The following DESI2 variants were observed in gnomAD, a reference collection of about 807,000 sequenced individuals.
The protein encoded by DESI2 is desumoylating isopeptidase 2, also known as deubiquitinase DESI2.
A neutral mutation model predicts 24.1 loss-of-function variants in DESI2; 10 were observed. That is an observed-to-expected ratio of 0.41 (90% confidence interval 0.26 to 0.70). DESI2 has a LOEUF of 0.70. Among genes scored for constraint, DESI2 ranks in the 30% least tolerant of loss-of-function variants. The probability of loss-of-function intolerance (pLI) is 0.29; values close to 1 mark genes in which losing one functional copy is unlikely to be tolerated. For missense variants in DESI2, 122 were observed against 234.9 expected (o/e 0.52, Z 3.14); for synonymous variants, 71 against 87.7 (o/e 0.81, Z 1.06).
intron 1 of DESI2, among the ~76,000 whole-genome samples, chr1:244,655,034 A>G (rs1278585841): frequency 6.6e-6 from 1 of 152,244 alleles, no homozygotes; most frequent in Non-Finnish European, 1.5e-5. Flanking sequence ...GTTTTGGCAT[A>G]TAGTGGGCTT....
intron 1 of DESI2, among the ~76,000 whole-genome samples, chr1:244,661,265 G>C (rs1675829839): frequency 6.6e-6 from 1 of 152,056 alleles, no homozygotes; most frequent in South Asian, 2.1e-4. Context: ...AAATAATACA[G>C]TATTTATTTT....
chr1:244,681,111 A>G (rs1333270483), intron 1 of DESI2, among the ~76,000 whole-genome samples: 1 of 152,160 alleles, frequency 6.6e-6, no homozygotes, highest in Non-Finnish European at 1.5e-5. Context: ...ACATGTGGCC[A>G]TCATTCTTTG....
chr1:244,653,301 C>A lies in DESI2; in HGVS notation c.-13C>A. The A allele has an allele frequency of 6.7e-7, 1 of 1,493,010 alleles. No individual in the cohort carries two copies. The allele number at this position is 1,493,010 out of a possible 1,614,324, so 92.5% of individuals were successfully genotyped here. ...AGCGGCTTGAGGACGAGGCGGCGGC[C>A]GCGGGGAGGAGGATGGGGGCTAACC... On this transcript the variant is annotated 5_prime_UTR_variant, in exon 1 of 5. Transcript: ENST00000302550.
chr1:244,677,345 A>T (rs1443985476), intron 1 of DESI2, among the ~76,000 whole-genome samples: 1 of 152,150 alleles, frequency 6.6e-6, no homozygotes, highest in Admixed American at 6.6e-5. Context: ...AGTTGTTCTT[A>T]GTCTTCCTTG....
intron 4 of DESI2, among the ~76,000 whole-genome samples, chr1:244,705,057 G>A (rs1182885259): frequency 6.6e-6 from 1 of 152,164 alleles, no homozygotes; most frequent in Non-Finnish European, 1.5e-5. Context: ...AAGTAAAGGG[G>A]TAAAATGTAG....
intron 1 of DESI2, among the ~76,000 whole-genome samples, chr1:244,684,517 C>G (rs984281010): frequency 1.3e-5 from 2 of 150,750 alleles, no homozygotes; most frequent in Non-Finnish European, 2.9e-5. Flanking sequence ...TGTGATCATG[C>G]TACACATATT....
intron 1 of DESI2, among the ~76,000 whole-genome samples, chr1:244,675,770 A>G (rs1350834892): frequency 2.6e-5 from 4 of 152,134 alleles, no homozygotes; most frequent in African/African-American, 9.7e-5. Flanking sequence ...GAATTTCCAT[A>G]TGAATTTTTA....
intron 1 of DESI2, among the ~76,000 whole-genome samples, chr1:244,665,772 C>T (rs1197069690): frequency 6.6e-6 from 1 of 152,226 alleles, no homozygotes. Flanking sequence ...CACCTCTTCC[C>T]TGAATCTGCA....
At chr1:244,683,641 T>C (rs921715033) in intron 1 of DESI2, among the ~76,000 whole-genome samples, 4 of 152,024 alleles carry the variant, frequency 2.6e-5, no homozygotes, top group African/African-American at 7.3e-5. Context: ...CAACTTGCTT[T>C]TGTTTCCCTA....
At chr1:244,654,747 C>T (rs1002837215) in intron 1 of DESI2, among the ~76,000 whole-genome samples, 3 of 152,152 alleles carry the variant, frequency 2.0e-5, no homozygotes, top group South Asian at 2.1e-4. Flanking sequence ...CAGCTGAACA[C>T]CTTTATCTTT....
chr1:244,687,860 G>A (rs1676877916), intron 2 of DESI2, among the ~76,000 whole-genome samples: 1 of 152,192 alleles, frequency 6.6e-6, no homozygotes, highest in Non-Finnish European at 1.5e-5. Flanking sequence ...ATTTGCATGT[G>A]TATTTCTTGA....
At chr1:244,686,701 T>C (rs1337217141) in intron 2 of DESI2, 32 bp downstream of exon 2, 2 of 1,418,554 alleles carry the variant, frequency 1.4e-6, no homozygotes, top group South Asian at 1.2e-5. Context: ...ATATACTCTC[T>C]GAAGATTTTG....
At position 244,706,096 on chromosome 1, in the gene DESI2, G is replaced by C; in HGVS notation, c.*307G>C. 1 of 267,094 alleles carries C rather than the reference G, an allele frequency of 3.7e-6. No homozygotes were observed. The highest frequency in any genetic ancestry group is 4.9e-5 in the Admixed American group (1 of 20,250). 16.5% of individuals were successfully genotyped at this position (267,094 alleles called of 1,614,324 possible). A position where few individuals can be genotyped will look rare whatever the true frequency, so the allele number is the denominator to read the frequency against. On this transcript the variant is annotated 3_prime_UTR_variant, in exon 5 of 5. Coordinates refer to ENST00000302550, the MANE Select transcript of DESI2 (RefSeq NM_016076.5). ...TCTTGTATCGCTGTTTACAAATCTT[G>C]CATGGACTCCTGCCACAGTGAAAGA...
rs888313554 is a variant in DESI2 at position 244,689,850 on chromosome 1, T to A, written c.209+508T>A. On this transcript the variant is annotated intron_variant, in intron 3 of 4. Transcript: ENST00000302550. This position sits in a 1 kb window ranked among gnomAD's most constrained non-coding sequence, Gnocchi z 4.0. ...TAATGATTTCTTCCCCTCAATCTCC[T>A]GTTTGAAAGGAGAAAAAGTTTTATT... Among the ~76,000 whole-genome samples, 14 of 152,110 alleles carry A rather than the reference T, an allele frequency of 9.2e-5. 1 individual carries two copies. Among genetic ancestry groups the A allele is most frequent in the African/African-American group, 3.4e-4 (14 of 41,394 alleles).
intron 1 of DESI2, among the ~76,000 whole-genome samples, chr1:244,665,080 C>A (rs1675995828): frequency 6.6e-6 from 1 of 152,006 alleles, no homozygotes; most frequent in Non-Finnish European, 1.5e-5. Flanking sequence ...TCTTCCTGCA[C>A]CATTATTAGA....
intron 1 of DESI2, among the ~76,000 whole-genome samples, chr1:244,664,006 A>G (rs1420590248): frequency 7.6e-6 from 1 of 131,230 alleles, no homozygotes; most frequent in Non-Finnish European, 1.6e-5. Context: ...CGACAGAGTG[A>G]GACTCCGTCT....
At chr1:244,684,469 A>G (rs1018526052) in intron 1 of DESI2, among the ~76,000 whole-genome samples, 1 of 152,204 alleles carries the variant, frequency 6.6e-6, no homozygotes, top group African/African-American at 2.4e-5. Flanking sequence ...CATACTTAAC[A>G]TGTAAGTATA....
intron 1 of DESI2, among the ~76,000 whole-genome samples, chr1:244,660,242 T>G (rs768811863): frequency 8.5e-5 from 13 of 152,206 alleles, no homozygotes; most frequent in Non-Finnish European, 1.6e-4. Context: ...CTCTGCTCAC[T>G]GCAACCTCCG....
chr1:244,695,819 C>T (rs1412563456), intron 4 of DESI2, among the ~76,000 whole-genome samples: 2 of 152,124 alleles, frequency 1.3e-5, no homozygotes, highest in Non-Finnish European at 1.5e-5. Flanking sequence ...GCTGTTGCCC[C>T]GGCTGGGGTG....
Sources: allele counts gnomAD v4.1 joint callset (sites outside exome capture counted in the v4.1 genomes callset), GRCh38; gene constraint gnomAD v4.1.1; non-coding constraint Gnocchi (gnomAD v3.1); transcripts MANE v1.5; gene names NCBI Gene and HGNC (gene_info 2026-07-23, HGNC 2026-07-21).